Variants in STPG2 observed in about 807,000 individuals in gnomAD.
STPG2 encodes the protein sperm tail PG-rich repeat containing 2, also known as sperm-tail PG-rich repeat-containing protein 2.
STPG2 carries 56 observed loss-of-function variants against 54.2 expected under a neutral mutation model. The ratio of observed to expected loss-of-function variants is 1.03; its 90% CI spans 0.83 to 1.29. STPG2 has a LOEUF of 1.29. Among genes scored for constraint, STPG2 ranks in the 50% most tolerant of loss-of-function variants. STPG2 has a pLI of 0.00. For missense variants in STPG2, 596 were observed against 544.9 expected, an observed-to-expected ratio of 1.09 and a Z score of -0.93; for synonymous variants, 200 against 181.8, an observed-to-expected ratio of 1.10 and a Z score of -0.81.
chr4:97,785,348 T>C (rs1230108575), intron 9 of STPG2, among the ~76,000 whole-genome samples: 1 of 152,042 alleles, frequency 6.6e-6, no homozygotes, highest in Non-Finnish European at 1.5e-5. Flanking sequence ...CACGAGAAAG[T>C]AATTACAGTC....
At chr4:97,763,247 T>C (rs908924602) in intron 9 of STPG2, among the ~76,000 whole-genome samples, 3 of 152,174 alleles carry the variant, frequency 2.0e-5, no homozygotes, top group Non-Finnish European at 4.4e-5. Flanking sequence ...TACAGTTGTC[T>C]ATATAGTGTT....
At chr4:97,862,709 C>T (rs1729602276) in intron 8 of STPG2, among the ~76,000 whole-genome samples, 1 of 152,138 alleles carries the variant, frequency 6.6e-6, no homozygotes, top group South Asian at 2.1e-4. Context: ...AAGCACTCCT[C>T]AGCAAATGTA....
chr4:97,675,512 T>G (rs1722811246), intron 10 of STPG2, among the ~76,000 whole-genome samples: 1 of 152,166 alleles, frequency 6.6e-6, no homozygotes, highest in Admixed American at 6.5e-5. Flanking sequence ...GACAGGCCTC[T>G]TTGAACTTTG....
chr4:97,903,457 A>C (rs574983083), intron 8 of STPG2, among the ~76,000 whole-genome samples: 143 of 152,220 alleles, frequency 9.4e-4, no homozygotes, highest in South Asian at 5.2e-3. Context: ...TAAAAAAAAA[A>C]CAGCAAATTA....
At chr4:97,876,944 C>T (rs1730194218) in intron 8 of STPG2, among the ~76,000 whole-genome samples, 1 of 151,924 alleles carries the variant, frequency 6.6e-6, no homozygotes, top group South Asian at 2.1e-4. Context: ...TGTCCATTTT[C>T]AATTTATTTT....
chr4:97,806,911 C>T (rs1727585575), intron 9 of STPG2, among the ~76,000 whole-genome samples: 1 of 152,102 alleles, frequency 6.6e-6, no homozygotes, highest in Admixed American at 6.6e-5. Context: ...ACTTCTGAGC[C>T]TTACTGACTT....
intron 5 of STPG2, among the ~76,000 whole-genome samples, chr4:98,007,048 C>G (rs1307913945): frequency 6.6e-6 from 1 of 152,156 alleles, no homozygotes; most frequent in African/African-American, 2.4e-5. Context: ...TTGCCTGGTC[C>G]AGCTCTGTAC....
intron 8 of STPG2, among the ~76,000 whole-genome samples, chr4:97,880,170 A>G (rs1003217227): frequency 1.3e-5 from 2 of 152,220 alleles, no homozygotes; most frequent in Admixed American, 6.5e-5. Context: ...GAACTGGAAG[A>G]TATTATGCTA....
At chr4:97,666,733 A>G (rs1722540240) in intron 10 of STPG2, among the ~76,000 whole-genome samples, 1 of 152,210 alleles carries the variant, frequency 6.6e-6, no homozygotes, top group Non-Finnish European at 1.5e-5. Context: ...GTAAATTATT[A>G]TATCTGTTAT....
At chr4:97,451,768 A>T (rs1048148968) in intron 4 of STPG2, among the ~76,000 whole-genome samples, 3 of 152,152 alleles carry the variant, frequency 2.0e-5, no homozygotes, top group Admixed American at 6.5e-5. Context: ...TCTCCATCTG[A>T]TATCTTATTG....
At chr4:97,730,124 T>C (rs889507961) in intron 9 of STPG2, among the ~76,000 whole-genome samples, 7 of 152,154 alleles carry the variant, frequency 4.6e-5, no homozygotes, top group Admixed American at 2.0e-4. Context: ...TAGTAAGCAG[T>C]AGGCAGTTTT....
At chr4:97,739,373 C>A (rs553466352) in intron 9 of STPG2, among the ~76,000 whole-genome samples, 1 of 151,996 alleles carries the variant, frequency 6.6e-6, no homozygotes, top group South Asian at 2.1e-4. Context: ...CAGAGCAGAA[C>A]TGAAGGAAAT....
chr4:97,761,194 A>C (rs1301504873), intron 9 of STPG2, among the ~76,000 whole-genome samples: 1 of 152,148 alleles, frequency 6.6e-6, no homozygotes, highest in Non-Finnish European at 1.5e-5. Flanking sequence ...ATTCCAACTC[A>C]CAGTACTTCA....
At chr4:97,790,676 T>C (rs1040888187) in intron 9 of STPG2, among the ~76,000 whole-genome samples, 1 of 152,170 alleles carries the variant, frequency 6.6e-6, no homozygotes, top group Non-Finnish European at 1.5e-5. Context: ...GCTTCTCTCG[T>C]GTTTTCAATC....
chr4:97,458,640 T>C (rs1368474887), intron 4 of STPG2, among the ~76,000 whole-genome samples: 2 of 152,174 alleles, frequency 1.3e-5, no homozygotes, highest in African/African-American at 4.8e-5. Context: ...GAGTGATTAA[T>C]GCCTTTTCAA....
chr4:97,781,664 A>G (rs946356701), intron 9 of STPG2, among the ~76,000 whole-genome samples: 4 of 152,224 alleles, frequency 2.6e-5, no homozygotes, highest in Non-Finnish European at 5.9e-5. Flanking sequence ...CCTGATGAAC[A>G]TCAATGCAAA....
intron 10 of STPG2, among the ~76,000 whole-genome samples, chr4:97,671,795 C>G (rs1170592416): frequency 6.6e-6 from 1 of 152,128 alleles, no homozygotes; most frequent in Non-Finnish European, 1.5e-5. Flanking sequence ...GTAACAACAT[C>G]CATCTCTTAG....
intron 8 of STPG2, among the ~76,000 whole-genome samples, chr4:97,859,710 A>G (rs1467265735): frequency 6.6e-6 from 1 of 152,052 alleles, no homozygotes; most frequent in African/African-American, 2.4e-5. Context: ...TGATCCGCCA[A>G]CTTGGCCTCC....
At chr4:97,861,851 C>T (rs917605813) in intron 8 of STPG2, among the ~76,000 whole-genome samples, 1 of 151,984 alleles carries the variant, frequency 6.6e-6, no homozygotes, top group African/African-American at 2.4e-5. Context: ...GAAATAAAAT[C>T]CTTTACAGAC....
Sources: gnomAD v4.1 joint callset for allele counts (sites outside exome capture counted in the v4.1 genomes callset) on GRCh38, gnomAD v4.1.1 for gene constraint, MANE v1.5 for transcripts, NCBI Gene and HGNC (gene_info 2026-07-23, HGNC 2026-07-21) for gene names.